The following MTUS2 variants were observed in gnomAD, a reference collection of about 807,000 sequenced individuals.
The protein encoded by MTUS2 is microtubule-associated tumor suppressor candidate 2.
A neutral mutation model predicts 114.1 loss-of-function variants in MTUS2; 40 were observed. The ratio of observed to expected loss-of-function variants is 0.35; its 90% CI spans 0.27 to 0.46. The LOEUF (loss-of-function observed/expected upper bound fraction) is 0.46, where lower values mean the gene tolerates loss of function less well. Ranked by LOEUF, MTUS2 falls within the 20% of genes least tolerant of loss-of-function variation. The probability of loss-of-function intolerance (pLI) is 1.00; values close to 1 mark genes in which losing one functional copy is unlikely to be tolerated. For missense variants in MTUS2, 1,679 were observed against 1,705.4 expected, an observed-to-expected ratio of 0.98 and a Z score of 0.27; for synonymous variants, 688 against 672.0, an observed-to-expected ratio of 1.02 and a Z score of -0.37.
chr13:28,919,326 A>AT (rs1478650557), intron 2 of MTUS2, among the ~76,000 whole-genome samples: 4 of 151,728 alleles, frequency 2.6e-5, no homozygotes, highest in African/African-American at 4.8e-5. Flanking sequence ...TTTGGTGGAT[A>AT]TTTTTTGCCA....
intron 5 of MTUS2, among the ~76,000 whole-genome samples, chr13:29,227,748 A>C (rs1896168413): frequency 6.6e-6 from 1 of 152,212 alleles, no homozygotes. Context: ...CAAACAAGAG[A>C]GTCATGTGCT....
At chr13:29,449,824 G>A (rs1404347664) in intron 9 of MTUS2, among the ~76,000 whole-genome samples, 1 of 152,132 alleles carries the variant, frequency 6.6e-6, no homozygotes, top group Admixed American at 6.5e-5. Context: ...GATTTAATTG[G>A]TCCTAGACTA....
At chr13:29,391,099 T>C (rs943702473) in intron 8 of MTUS2, among the ~76,000 whole-genome samples, 1 of 150,714 alleles carries the variant, frequency 6.6e-6, no homozygotes, top group Non-Finnish European at 1.5e-5. Flanking sequence ...TTATTGTTAT[T>C]ATTATTTTGA....
At chr13:29,340,662 T>A (rs1398982239) in intron 7 of MTUS2, among the ~76,000 whole-genome samples, 2 of 152,198 alleles carry the variant, frequency 1.3e-5, no homozygotes. Context: ...TTTAAAATTA[T>A]TTCAGTAGTT....
chr13:29,163,311 C>T (rs551979077), intron 5 of MTUS2, among the ~76,000 whole-genome samples: 1 of 152,220 alleles, frequency 6.6e-6, no homozygotes, highest in Non-Finnish European at 1.5e-5. Flanking sequence ...GGCTGGGCTC[C>T]CGTCCCCTCG....
chr13:28,954,103 A>G (rs568466403), intron 2 of MTUS2, among the ~76,000 whole-genome samples: 1 of 152,358 alleles, frequency 6.6e-6, no homozygotes, highest in African/African-American at 2.4e-5. Context: ...TATATTTAAA[A>G]TATATCTACT....
At chr13:29,294,366 A>G (rs1898846392) in intron 6 of MTUS2, among the ~76,000 whole-genome samples, 2 of 152,202 alleles carry the variant, frequency 1.3e-5, no homozygotes, top group Non-Finnish European at 2.9e-5. Context: ...ATAACTGCAT[A>G]TTGATTAACC....
rs551523853 is a variant in MTUS2 at position 28,848,620 on chromosome 13, A to G, written c.-243+8770A>G. Among the ~76,000 whole-genome samples, 4 of 152,202 alleles carry G rather than the reference A, an allele frequency of 2.6e-5. No homozygotes were observed. The South Asian group carries it at 8.3e-4, about 32-fold the overall frequency. ...ACAAGGGGTGTGATTATTGAGTTTC[A>G]AAGAAAATTAACTTAGAAGAGTCTT... is the stretch of plus-strand genomic sequence containing the variant. On this transcript the variant is annotated intron_variant, in intron 2 of 15. Coordinates refer to ENST00000612955, the MANE Select transcript of MTUS2 (RefSeq NM_001033602.4).
At chr13:28,930,564 G>GTGC (rs1881561845) in intron 2 of MTUS2, among the ~76,000 whole-genome samples, 1 of 152,160 alleles carries the variant, frequency 6.6e-6, no homozygotes, top group Non-Finnish European at 1.5e-5. Context: ...GTAGAACTCA[G>GTGC]TGCATAGGGC....
At chr13:28,987,970 T>G (rs1166794324) in intron 2 of MTUS2, among the ~76,000 whole-genome samples, 8 of 152,220 alleles carry the variant, frequency 5.3e-5, no homozygotes, top group African/African-American at 1.9e-4. Flanking sequence ...CTCTCTGCCT[T>G]GGCTGTGCAA....
chr13:28,857,442 G>C (rs1203148996), intron 2 of MTUS2, among the ~76,000 whole-genome samples: 3 of 152,264 alleles, frequency 2.0e-5, no homozygotes, highest in South Asian at 4.1e-4. Flanking sequence ...GCTCCTGAAA[G>C]AAAAGGTAAA....
intron 8 of MTUS2, among the ~76,000 whole-genome samples, chr13:29,411,231 C>G (rs1875214634): frequency 6.6e-6 from 1 of 152,138 alleles, no homozygotes; most frequent in Non-Finnish European, 1.5e-5. Context: ...ATTTAGATCC[C>G]TTATCTATTT....
chr13:29,389,309 A>G (rs1177363618), intron 8 of MTUS2, among the ~76,000 whole-genome samples: 7 of 138,340 alleles, frequency 5.1e-5, no homozygotes, highest in Non-Finnish European at 7.7e-5. Flanking sequence ...ATATGTGTAT[A>G]TATGTATACA....
At chr13:29,341,525 A>G (rs1237391278) in intron 7 of MTUS2, among the ~76,000 whole-genome samples, 1 of 152,080 alleles carries the variant, frequency 6.6e-6, no homozygotes, top group East Asian at 1.9e-4. Context: ...TGAGTTTCTC[A>G]TAGATTCTGG....
intron 5 of MTUS2, among the ~76,000 whole-genome samples, chr13:29,200,062 A>G (rs889190800): frequency 5.3e-5 from 8 of 151,986 alleles, no homozygotes; most frequent in African/African-American, 1.9e-4. Context: ...TATCGTGTCT[A>G]TTTAATTCTT....
Position 29,197,688 on chromosome 13 carries a change from C to T in MTUS2, c.2645-84016C>T, listed in dbSNP as rs574864966. Among the ~76,000 whole-genome samples the T allele has an allele frequency of 1.1e-4, 16 of 152,260 alleles. 1 individual carries two copies. In the East Asian group the frequency reaches 2.1e-3, roughly 20 times the overall value. Reference sequence around the variant, plus strand: ...CACACTCCCACCGACAGTGTAAAAGCGTTCCTACTTCTCCACATCCTCTCC... The same window carrying T: ...CACACTCCCACCGACAGTGTAAAAGTGTTCCTACTTCTCCACATCCTCTCC... On this transcript the variant is annotated intron_variant, in intron 5 of 15. Coordinates refer to ENST00000612955, the MANE Select transcript of MTUS2 (RefSeq NM_001033602.4).
chr13:28,930,356 G>A (rs544748941), intron 2 of MTUS2, among the ~76,000 whole-genome samples: 1 of 152,300 alleles, frequency 6.6e-6, no homozygotes, highest in South Asian at 2.1e-4. Flanking sequence ...GAAGCTGCAT[G>A]GTGGGACTGC....
At chr13:29,412,199 A>G (rs566590980) in intron 8 of MTUS2, among the ~76,000 whole-genome samples, 1 of 152,352 alleles carries the variant, frequency 6.6e-6, no homozygotes, top group South Asian at 2.1e-4. Context: ...ATTCAGTAAA[A>G]TAGTGGCTTT....
intron 7 of MTUS2, among the ~76,000 whole-genome samples, chr13:29,354,555 C>T (rs1022277971): frequency 6.6e-6 from 1 of 152,156 alleles, no homozygotes; most frequent in Non-Finnish European, 1.5e-5. Flanking sequence ...TTGTAGCTTC[C>T]TGTTTTTCTG....
Sources: allele counts gnomAD v4.1 joint callset (sites outside exome capture counted in the v4.1 genomes callset), GRCh38; gene constraint gnomAD v4.1.1; transcripts MANE v1.5; gene names NCBI Gene and HGNC (gene_info 2026-07-23, HGNC 2026-07-21).